The following GJA5 variants were observed in gnomAD, a reference collection of about 807,000 sequenced individuals.
GJA5 encodes the protein gap junction alpha-5 protein.
Under a neutral mutation model 7.9 loss-of-function variants are expected in GJA5, and 3 were observed. That is an observed-to-expected ratio of 0.38 (90% CI 0.17 to 0.99). The LOEUF (loss-of-function observed/expected upper bound fraction) is 0.99, where lower values mean the gene tolerates loss of function less well. GJA5 is among the 50% of genes least tolerant of loss of function. The probability of loss-of-function intolerance (pLI) is 0.38; values close to 1 mark genes in which losing one functional copy is unlikely to be tolerated. For missense variants in GJA5, 390 were observed against 457.9 expected (o/e 0.85, Z 1.35); for synonymous variants, 193 against 181.0 (o/e 1.07, Z -0.53).
Position 147,757,825 on chromosome 1 carries a change from G to C in GJA5, c.*337C>G. The C allele has an allele frequency of 2.7e-6, 1 of 372,558 alleles. No individual in the cohort carries two copies. Among genetic ancestry groups the C allele is most frequent in the Middle Eastern group, 8.5e-4 (1 of 1,178 alleles). 23.1% of individuals were successfully genotyped at this position (372,558 alleles called of 1,614,324 possible). ...ATTTGGTATGCTGCTGGTATGTAGAGAGAGAGTCATTCTATCCCTCTGGCT... is the reference window on the plus strand; with the variant it reads ...ATTTGGTATGCTGCTGGTATGTAGACAGAGAGTCATTCTATCCCTCTGGCT... On this transcript the variant is annotated 3_prime_UTR_variant, in exon 2 of 2. Transcript: ENST00000579774.
chr1:147,762,435 G>T (rs1313892365), upstream of GJA5, among the ~76,000 whole-genome samples: 1 of 152,190 alleles, frequency 6.6e-6, no homozygotes, highest in East Asian at 1.9e-4. Flanking sequence ...GGTCTAGTCT[G>T]CCAAGAGGCT....
At chr1:147,770,070 G>C (rs587669723) in intron 1 of GJA5, among the ~76,000 whole-genome samples, 3 of 152,162 alleles carry the variant, frequency 2.0e-5, no homozygotes, top group South Asian at 4.2e-4. Context: ...GTGATCTGAG[G>C]GTAAGGGACA....
intron 1 of GJA5, among the ~76,000 whole-genome samples, chr1:147,772,649 G>T (rs587644165): frequency 2.6e-5 from 4 of 152,106 alleles, no homozygotes; most frequent in South Asian, 4.1e-4. Context: ...GGCCTTCCTC[G>T]CTGGTTTCAC....
chr1:147,771,108 T>C (rs986054308), intron 1 of GJA5, among the ~76,000 whole-genome samples: 10 of 152,170 alleles, frequency 6.6e-5, no homozygotes, highest in Admixed American at 2.6e-4. Context: ...CCTGTCCTGA[T>C]TGATCCACAT....
At chr1:147,765,417 T>G (rs1378999950), upstream of GJA5, among the ~76,000 whole-genome samples, 1 of 152,180 alleles carries the variant, frequency 6.6e-6, no homozygotes, top group Non-Finnish European at 1.5e-5. Flanking sequence ...TCATTCCATC[T>G]CCCCTCCAAG....
At chr1:147,765,174 A>G (rs1664156424), upstream of GJA5, among the ~76,000 whole-genome samples, 1 of 152,364 alleles carries the variant, frequency 6.6e-6, no homozygotes, top group African/African-American at 2.4e-5. Context: ...CCAAGAGAGC[A>G]GGATCATATT....
At chr1:147,767,456 C>T (rs1431314698) in intron 1 of GJA5, among the ~76,000 whole-genome samples, 1 of 147,354 alleles carries the variant, frequency 6.8e-6, no homozygotes, top group Admixed American at 6.8e-5. Flanking sequence ...GACACAATCA[C>T]AGCTCACTGG....
chr1:147,764,655 T>G (rs191972157), upstream of GJA5, among the ~76,000 whole-genome samples: 14 of 152,042 alleles, frequency 9.2e-5, no homozygotes, highest in African/African-American at 3.1e-4. Flanking sequence ...TGAAACCCCA[T>G]CTCTAATAAA....
intron 1 of GJA5, among the ~76,000 whole-genome samples, chr1:147,771,404 A>G (rs1327787417): frequency 6.6e-6 from 1 of 152,100 alleles, no homozygotes; most frequent in Non-Finnish European, 1.5e-5. Flanking sequence ...TCCCAACTCA[A>G]TCAGCCCTGA....
chr1:147,758,956 G>T lies in GJA5; in HGVS notation c.283C>A (p.His95Asn). 1 of 1,614,154 alleles carries T rather than the reference G, an allele frequency of 6.2e-7. No individual in the cohort carries two copies. Among genetic ancestry groups the T allele is most frequent in the South Asian group, 1.1e-5 (1 of 91,086 alleles). ...TGCATGCGCACAGTGTGCATGGCGT[G>T]GCCCATGTACACCAGAGAGGGCGTG... ...VSTPSLVYMGHAMHTVRMQEK... is the reference protein window; with the variant it reads ...VSTPSLVYMGNAMHTVRMQEK... The change falls in exon 2 of 2, where the codon CAC (histidine) becomes AAC (asparagine). Residue 95 changes from histidine (H) to asparagine (N), a missense_variant. This residue lies in a region of GJA5 where 354 missense variants were observed against 370.9 expected (regional missense o/e 0.95). Transcript: ENST00000579774.
At chr1:147,763,062 A>AT (rs1260825729), upstream of GJA5, among the ~76,000 whole-genome samples, 1 of 152,124 alleles carries the variant, frequency 6.6e-6, no homozygotes, top group Non-Finnish European at 1.5e-5. Context: ...TTATGCTATC[A>AT]TTTTTCCACT....
upstream of GJA5, among the ~76,000 whole-genome samples, chr1:147,762,783 T>G (rs1664067692): frequency 1.3e-5 from 2 of 152,206 alleles, no homozygotes; most frequent in African/African-American, 2.4e-5. Context: ...TTGGCTCCCT[T>G]TGGATACCCC....
chr1:147,770,842 C>G (rs1664370095), intron 1 of GJA5, among the ~76,000 whole-genome samples: 1 of 152,198 alleles, frequency 6.6e-6, no homozygotes, highest in Admixed American at 6.5e-5. Flanking sequence ...GTGCATCAAG[C>G]TGGCATCACC....
chr1:147,766,040 C>T (rs1443004396), intron 1 of GJA5, among the ~76,000 whole-genome samples: 1 of 152,210 alleles, frequency 6.6e-6, no homozygotes, highest in South Asian at 2.1e-4. Context: ...CACATAATAG[C>T]CTTTCTAATA....
At position 147,759,034 on chromosome 1, in the gene GJA5, C is replaced by G. The variant is rs782187661; in HGVS notation, c.205G>C (p.Ala69Pro). Residue 69 changes from alanine (A) to proline (P), a missense_variant, in exon 2 of 2, where the codon GCT (alanine) becomes CCT (proline). Ala to Pro is a conservative substitution (Grantham distance 27). Coordinates refer to ENST00000579774, the MANE Select transcript of GJA5 (RefSeq NM_181703.4). ...TAGCGAATGTGGGAGATGGGGAAAG[C>G]CTGGTCGTAGCAGACATTCTGGCAG... Reference protein sequence around the residue: ...PGCQNVCYDQAFPISHIRYWV... With the variant: ...PGCQNVCYDQPFPISHIRYWV... 1 of 1,614,126 alleles carries G rather than the reference C, an allele frequency of 6.2e-7. No homozygotes were observed. The highest frequency in any genetic ancestry group is 8.5e-7 in the Non-Finnish European group (1 of 1,179,990).
At chr1:147,764,543 G>A (rs782680550), upstream of GJA5, among the ~76,000 whole-genome samples, 9 of 152,060 alleles carry the variant, frequency 5.9e-5, no homozygotes, top group African/African-American at 9.7e-5. Flanking sequence ...TAATAAAATC[G>A]GCCGGGTGTG....
upstream of GJA5, among the ~76,000 whole-genome samples, chr1:147,764,047 T>C (rs1664113641): frequency 2.0e-5 from 3 of 152,168 alleles, no homozygotes; most frequent in African/African-American, 7.2e-5. Flanking sequence ...CTGACCTCAG[T>C]TGATCCTCCC....
In GJA5 at chr1:147,757,667, A is replaced by T. The variant is rs142269930; in HGVS notation, c.*495T>A. The T allele has an allele frequency of 8.8e-5, 16 of 181,322 alleles. No homozygotes were observed. Among genetic ancestry groups the T allele is most frequent in the African/African-American group, 3.3e-4 (14 of 42,252 alleles). The allele number at this position is 181,322 out of a possible 1,614,324, so 11.2% of individuals were successfully genotyped here. A position where few individuals can be genotyped will look rare whatever the true frequency, so the allele number is the denominator to read the frequency against. On this transcript the variant is annotated 3_prime_UTR_variant, in exon 2 of 2. Transcript: ENST00000579774. ...TCACCACTACTCCGAGGAATGGTCC[A>T]TGGAGACAACAGATTCAAGAGCACA...
At chr1:147,768,589 A>G (rs1434024307) in intron 1 of GJA5, among the ~76,000 whole-genome samples, 1 of 152,236 alleles carries the variant, frequency 6.6e-6, no homozygotes, top group African/African-American at 2.4e-5. Flanking sequence ...ATAGTGCAGT[A>G]GAGCTGAACG....
Sources: allele counts gnomAD v4.1 joint callset (sites outside exome capture counted in the v4.1 genomes callset), GRCh38; gene constraint gnomAD v4.1.1; regional missense constraint gnomAD v4.1.1; transcripts MANE v1.5; gene names NCBI Gene and HGNC (gene_info 2026-07-23, HGNC 2026-07-21).